Variants in SGIP1 observed in about 807,000 individuals in gnomAD.
The protein encoded by SGIP1 is SH3-containing GRB2-like protein 3-interacting protein 1.
A neutral mutation model predicts 107.5 loss-of-function variants in SGIP1; 38 were observed. That is an observed-to-expected ratio of 0.35 (90% CI 0.27 to 0.46). SGIP1 has a LOEUF of 0.46. Ranked by LOEUF, SGIP1 falls within the 20% of genes least tolerant of loss-of-function variation. SGIP1 has a pLI of 1.00. For missense variants in SGIP1, 929 were observed against 1,019.5 expected (o/e 0.91, Z 1.21); for synonymous variants, 365 against 366.1 (o/e 1.00, Z 0.03).
chr1:66,742,456 CTTTCTTTTTTTTTTTT>C (rs1390186244), intron 24 of SGIP1, among the ~76,000 whole-genome samples: 2,814 of 64,158 alleles, frequency 0.044, 175 homozygotes, highest in African/African-American at 0.15. Flanking sequence ...TATGAGCACC[CTTTCTTTTTTTTTTTT>C]TTTTTTTTTT....
At chr1:66,739,728 A>T (rs763666943) in intron 22 of SGIP1, among the ~76,000 whole-genome samples, 191 bp downstream of exon 22, 1 of 152,194 alleles carries the variant, frequency 6.6e-6, no homozygotes, top group African/African-American at 2.4e-5. Context: ...ATGCTTACAC[A>T]ATGGTGGAAG....
chr1:66,667,496 G>A (rs755901644), intron 8 of SGIP1, 34 bp from the exon 9 acceptor site: 2 of 1,608,520 alleles, frequency 1.2e-6, no homozygotes, highest in South Asian at 1.1e-5. Context: ...CTCTGACTAG[G>A]TGTCTGTTCT....
Position 66,643,556 on chromosome 1 carries a change from A to G in SGIP1, c.296A>G (p.Lys99Arg). 5.0e-6 allele frequency: 8 copies of G among 1,608,116 alleles called. No individual in the cohort carries two copies. The highest frequency in any genetic ancestry group is 6.8e-6 in the Non-Finnish European group (8 of 1,177,790). Residue 99 changes from lysine (K) to arginine (R), a missense_variant, in exon 7 of 25, where the codon AAG (lysine) becomes AGG (arginine). Physicochemically the swap from Lys to Arg is conservative, Grantham distance 26. Around this residue, in one of 2 missense-constraint regions of SGIP1, gnomAD observed 588 missense variants for 588.6 expected, o/e 1.00. Coordinates refer to ENST00000371037, the MANE Select transcript of SGIP1 (RefSeq NM_032291.4). ...AACTGTGTTCTACCTACCAAAGGAA[A>G]GCACTTTTATTCTTCAAGTGAATCG... ...RPEEPGSTKG[K>R]HFYSSSESEE...
At chr1:66,565,462 G>A (rs17129102) in intron 1 of SGIP1, among the ~76,000 whole-genome samples, 2,648 of 151,976 alleles carry the variant, frequency 0.017, 72 homozygotes, top group African/African-American at 0.061. Context: ...GGGGTAAGGG[G>A]CATAAAAAGG....
At chr1:66,684,136 G>C (rs771074314) in intron 15 of SGIP1, 40 of 1,550,564 alleles carry the variant, frequency 2.6e-5, no homozygotes, top group Non-Finnish European at 3.5e-5. Flanking sequence ...GAGATATCAA[G>C]TAATTTGCCC....
At chr1:66,689,064 A>AT in intron 15 of SGIP1, 84 bp from the exon 16 acceptor site, 1 of 1,325,104 alleles carries the variant, frequency 7.5e-7, no homozygotes, top group Non-Finnish European at 1.0e-6. Flanking sequence ...AAAAAAAAAA[A>AT]TGTCCGGGAC....
chr1:66,716,269 T>C (rs1490076978), intron 18 of SGIP1, among the ~76,000 whole-genome samples: 1 of 152,168 alleles, frequency 6.6e-6, no homozygotes, highest in Admixed American at 6.6e-5. Flanking sequence ...TGATTCATGC[T>C]CATTGGATAT....
chr1:66,729,738 T>C (rs1404923439), intron 20 of SGIP1, among the ~76,000 whole-genome samples: 1 of 152,232 alleles, frequency 6.6e-6, no homozygotes, highest in Admixed American at 6.5e-5. Context: ...AGACAGTGGA[T>C]GACAATGGTG....
intron 18 of SGIP1, among the ~76,000 whole-genome samples, chr1:66,714,164 G>A (rs1338739396): frequency 6.6e-6 from 1 of 152,070 alleles, no homozygotes; most frequent in Non-Finnish European, 1.5e-5. Flanking sequence ...CCTACTTGAT[G>A]TTCACCATGC....
At chr1:66,717,376 G>A (rs1008382969) in intron 18 of SGIP1, among the ~76,000 whole-genome samples, 6 of 152,070 alleles carry the variant, frequency 3.9e-5, no homozygotes, top group South Asian at 2.1e-4. Flanking sequence ...GTGCCTTTAC[G>A]GTTTATAAAT....
chr1:66,693,644 T>C (rs2090325716), intron 17 of SGIP1, among the ~76,000 whole-genome samples: 1 of 152,202 alleles, frequency 6.6e-6, no homozygotes, highest in African/African-American at 2.4e-5. Flanking sequence ...CCTGTGGCAT[T>C]GAGTACTTTT....
At chr1:66,723,454 T>C (rs993944754) in intron 19 of SGIP1, among the ~76,000 whole-genome samples, 1 of 152,216 alleles carries the variant, frequency 6.6e-6, no homozygotes, top group Non-Finnish European at 1.5e-5. Context: ...TTGCTACTGA[T>C]TGGGGAAACA....
intron 7 of SGIP1, among the ~76,000 whole-genome samples, chr1:66,646,809 C>T (rs1184663138): frequency 6.6e-6 from 1 of 152,084 alleles, no homozygotes; most frequent in African/African-American, 2.4e-5. Context: ...AATTTTAGTC[C>T]AGATTTTGCC....
At chr1:66,534,959 G>A (rs900679829) in intron 1 of SGIP1, among the ~76,000 whole-genome samples, 12 of 152,170 alleles carry the variant, frequency 7.9e-5, no homozygotes, top group Non-Finnish European at 1.8e-4. Flanking sequence ...GAAAATATCC[G>A]GGCCTCTTGC....
chr1:66,613,323 T>TG, intron 1 of SGIP1, among the ~76,000 whole-genome samples: 1 of 146,482 alleles, frequency 6.8e-6, no homozygotes. Context: ...AGAACTTAAG[T>TG]TTTTTTGTGT....
At chr1:66,676,933 C>T (rs1364587585) in intron 12 of SGIP1, 71 bp from the exon 13 acceptor site, 6 of 1,281,680 alleles carry the variant, frequency 4.7e-6, no homozygotes, top group Middle Eastern at 1.9e-4. Context: ...AACTTGAAAT[C>T]GAAATTTTAA....
At chr1:66,689,552 A>T (rs962782613) in intron 16 of SGIP1, among the ~76,000 whole-genome samples, 3 of 152,250 alleles carry the variant, frequency 2.0e-5, no homozygotes, top group African/African-American at 7.2e-5. Flanking sequence ...ATTCATAGAA[A>T]GAGAGGTGTT....
At chr1:66,544,082 C>T (rs2055711523) in intron 1 of SGIP1, among the ~76,000 whole-genome samples, 4 of 152,118 alleles carry the variant, frequency 2.6e-5, no homozygotes, top group Admixed American at 2.6e-4. Context: ...TTTGCTTTTT[C>T]TGTAGATTAT....
At chr1:66,539,226 GAA>G (rs1262816760) in intron 1 of SGIP1, among the ~76,000 whole-genome samples, 1 of 152,160 alleles carries the variant, frequency 6.6e-6, no homozygotes, top group Non-Finnish European at 1.5e-5. Context: ...AACTGAATAA[GAA>G]AGAGGTCATA....
Sources: allele counts gnomAD v4.1 joint callset (sites outside exome capture counted in the v4.1 genomes callset), GRCh38; gene constraint gnomAD v4.1.1; regional missense constraint gnomAD v4.1.1; transcripts MANE v1.5; gene names NCBI Gene and HGNC (gene_info 2026-07-23, HGNC 2026-07-21).